Variants in MUTYH observed in about 807,000 individuals in gnomAD.
The protein encoded by MUTYH is mutY DNA glycosylase.
In MUTYH, 64 loss-of-function variants were observed where a neutral mutation model predicts 72.9. The ratio of observed to expected loss-of-function variants is 0.88; its 90% CI spans 0.72 to 1.08. The LOEUF is 1.08. MUTYH is among the 50% of genes least tolerant of loss of function. The pLI, the probability that MUTYH is intolerant of heterozygous loss-of-function variation, is 0.00. For missense variants in MUTYH, 633 were observed against 671.0 expected (o/e 0.94, Z 0.63); for synonymous variants, 234 against 263.1 (o/e 0.89, Z 1.07).
chr1:45,332,267 A>G lies in MUTYH; in HGVS notation c.748T>C (p.Phe250Leu). Residue 250 changes from phenylalanine (F) to leucine (L), a missense_variant, in exon 10 of 16, where the codon TTC becomes CTC. Coordinates refer to ENST00000456914, the MANE Select transcript of MUTYH (RefSeq NM_001048174.2). Reference protein sequence around the residue: ...QLVDPARPGDFNQAAMELGAT... With the variant: ...QLVDPARPGDLNQAAMELGAT... ...CCTAGCTCCATGGCTGCTTGGTTGA[A>G]ATCTCCTGGCCGGGCTGGGTCCACC... is the stretch of plus-strand genomic sequence containing the variant. The G allele has an allele frequency of 6.2e-7, 1 of 1,614,076 alleles. No individual in the cohort carries two copies. Among genetic ancestry groups the G allele is most frequent in the Non-Finnish European group, 8.5e-7 (1 of 1,179,988 alleles).
At chr1:45,339,198 A>G (rs1570559368) in intron 1 of MUTYH, among the ~76,000 whole-genome samples, 1 of 149,568 alleles carries the variant, frequency 6.7e-6, no homozygotes, top group Non-Finnish European at 1.5e-5. Context: ...ACTAGTCTCC[A>G]ATAGGAATTT....
upstream of MUTYH, chr1:45,340,312 GC>G: frequency 3.1e-6 from 5 of 1,611,454 alleles, no homozygotes; most frequent in Non-Finnish European, 4.2e-6. Context: ...ACGGTGAGCG[GC>G]TTCCCAGAGG....
Position 45,331,227 on chromosome 1 carries a change from C to G in MUTYH, c.1347G>C (p.Thr449=), listed in dbSNP as rs74318065. 2.9e-3 allele frequency: 4,657 copies of G among 1,614,218 alleles called. 73 individuals carry two copies. The East Asian group carries it at 0.039, about 13-fold the overall frequency. Reference sequence around the variant, plus strand: ...CAGCTGCGGTGTGAAATTCCTCCTGCGTCAGCCAGCGAGCACCTGGTGGTA... The same window carrying G: ...CAGCTGCGGTGTGAAATTCCTCCTGGGTCAGCCAGCGAGCACCTGGTGGTA... ...TTVPPGARWL[T]QEEFHTAAVS... The change falls in exon 14 of 16, where the codon ACG becomes ACC. Residue 449 remains threonine, a synonymous_variant. Transcript: ENST00000456914.
At chr1:45,331,049 C>T in intron 14 of MUTYH, 133 bp downstream of exon 14, 2 of 1,230,236 alleles carry the variant, frequency 1.6e-6, no homozygotes, top group Non-Finnish European at 1.2e-6. Flanking sequence ...AGCGCCATTG[C>T]ACTCCAGCCT....
At chr1:45,336,600 C>T (rs954472663) in intron 1 of MUTYH, among the ~76,000 whole-genome samples, 4 of 151,934 alleles carry the variant, frequency 2.6e-5, no homozygotes, top group Admixed American at 2.6e-4. Flanking sequence ...TGAGATCCAC[C>T]CCCTGCCCCC....
rs764546111 is a variant in MUTYH, at chr1:45,332,832, C to G, written c.423G>C (p.Glu141Asp). Residue 141 changes from glutamate to aspartate, a missense_variant and splice_region_variant, in exon 7 of 16, where the codon GAG becomes GAC. Transcript: ENST00000456914. ...LQDLASASLE[E>D]VNQLWAGLGY... ...CCAGGCCAGCCCAGAGTTGATTCAC[C>G]TCCTGTGGGTAGGATCAGAGGTCAA... 13 of 1,614,220 alleles carry G rather than the reference C, an allele frequency of 8.1e-6. No homozygotes were observed. The highest frequency in any genetic ancestry group is 9.3e-6 in the Non-Finnish European group (11 of 1,180,038).
rs143353451 is a variant in MUTYH, at chr1:45,332,794, C to G, written c.461G>C (p.Arg154Pro). The part of the protein sequence containing the change: ...QLWAGLGYYS[R>P]GRRLQEGARK... ...AGCTCCCTCCTGCAGCCGCCGGCCA[C>G]GAGAATAGTAGCCCAGGCCAGCCCA... The change falls in exon 7 of 16, where the codon CGT becomes CCT. Residue 154 changes from arginine (R) to proline (P), a missense_variant. Coordinates refer to ENST00000456914, the MANE Select transcript of MUTYH (RefSeq NM_001048174.2). 2.5e-6 allele frequency: 4 copies of G among 1,614,176 alleles called. No individual in the cohort carries two copies. The highest frequency in any genetic ancestry group is 3.4e-6 in the Non-Finnish European group (4 of 1,180,016).
chr1:45,339,217 T>C (rs1371834836), intron 1 of MUTYH, among the ~76,000 whole-genome samples: 1 of 149,848 alleles, frequency 6.7e-6, no homozygotes, highest in African/African-American at 2.5e-5. Flanking sequence ...TTTTTTTTTT[T>C]TTTTTTTTTT....
chr1:45,340,404 CT>C (rs762441450), upstream of MUTYH: 58 of 1,539,462 alleles, frequency 3.8e-5, no homozygotes, highest in Non-Finnish European at 5.1e-5. Context: ...CTTCAGAGGA[CT>C]GCTCCTTCCG....
upstream of MUTYH, chr1:45,340,216 T>A (rs759654665): frequency 1.2e-6 from 2 of 1,613,616 alleles, no homozygotes; most frequent in African/African-American, 2.7e-5. Context: ...AAGTCCAGCG[T>A]ACCCACAGAC....
In MUTYH at chr1:45,332,545, C is replaced by T. The variant is rs1164268987; in HGVS notation, c.606+29G>A. On this transcript the variant is annotated intron_variant, in intron 8 of 15. Transcript: ENST00000456914. ...GCTGGGAGGAAGGAGGCTGGGCACG[C>T]ACAAAGTGGGGGTGGGCTGTGAGAT... 10 of 1,613,868 alleles carry T rather than the reference C, an allele frequency of 6.2e-6. No homozygotes were observed. Among genetic ancestry groups the T allele is most frequent in the Non-Finnish European group, 8.5e-6 (10 of 1,179,970 alleles).
chr1:45,340,335 G>T (rs373902321), upstream of MUTYH: 121 of 1,601,490 alleles, frequency 7.6e-5, no homozygotes, highest in Non-Finnish European at 1.0e-4. Flanking sequence ...AGCCTTCAAA[G>T]CCTCTGCGCT....
chr1:45,340,220 C>G (rs1064795596), upstream of MUTYH: 1 of 1,613,844 alleles, frequency 6.2e-7, no homozygotes, highest in South Asian at 1.1e-5. Context: ...CCAGCGTACC[C>G]ACAGACGACT....
upstream of MUTYH, chr1:45,340,252 C>T (rs757906591): frequency 3.7e-6 from 6 of 1,613,620 alleles, no homozygotes; most frequent in South Asian, 6.6e-5. Flanking sequence ...CGAGCGGTGT[C>T]ATGGCCGCCG....
In MUTYH at chr1:45,331,312, A is replaced by C. The variant is rs767996570; in HGVS notation, c.1262T>G (p.Ile421Ser). The C allele has an allele frequency of 6.2e-7, 1 of 1,614,174 alleles. No individual in the cohort carries two copies. The highest frequency in any genetic ancestry group is 1.3e-5 in the African/African-American group (1 of 75,044). Residue 421 changes from isoleucine to serine, a missense_variant, in exon 14 of 16, where the codon ATC (isoleucine) becomes AGC (serine). Physicochemically the swap from Ile to Ser is moderately radical, Grantham distance 142. Coordinates refer to ENST00000456914, the MANE Select transcript of MUTYH (RefSeq NM_001048174.2). ...CCCATATACTTGATATGTCAGCTTG[A>C]TGTGAGAGAAGGTGTGGACAACCTG... ...LGEVVHTFSH[I>S]KLTYQVYGLA...
At chr1:45,337,814 C>T (rs1010528030) in intron 1 of MUTYH, among the ~76,000 whole-genome samples, 3 of 152,144 alleles carry the variant, frequency 2.0e-5, no homozygotes, top group South Asian at 4.1e-4. Flanking sequence ...TGGCATACTT[C>T]AGTAAATAAA....
chr1:45,334,336 G>T, intron 2 of MUTYH, 55 bp downstream of exon 2: 2 of 1,611,076 alleles, frequency 1.2e-6, no homozygotes, highest in Non-Finnish European at 1.7e-6. Context: ...TCCCTTCCCA[G>T]CCTGAATCTG....
upstream of MUTYH, chr1:45,340,013 C>T (rs1646758812): frequency 3.2e-6 from 5 of 1,539,688 alleles, no homozygotes; most frequent in Non-Finnish European, 4.4e-6. Flanking sequence ...TTCCGGCGCA[C>T]TCCAGGGGGC....
chr1:45,333,614 G>T, intron 2 of MUTYH, 53 bp from the exon 3 acceptor site: 1 of 1,600,682 alleles, frequency 6.2e-7, no homozygotes, highest in South Asian at 1.1e-5. Flanking sequence ...CTGTGCATCA[G>T]GGTCTTGGGA....
Sources: gnomAD v4.1 joint callset for allele counts (sites outside exome capture counted in the v4.1 genomes callset) on GRCh38, gnomAD v4.1.1 for gene constraint, MANE v1.5 for transcripts, NCBI Gene and HGNC (gene_info 2026-07-23, HGNC 2026-07-21) for gene names.